CSMD1: variants seen among roughly 807,000 people sequenced by gnomAD.
The protein encoded by CSMD1 is CUB and sushi domain-containing protein 1.
CSMD1 carries 213 observed loss-of-function variants against 417.5 expected under a neutral mutation model. The ratio of observed to expected loss-of-function variants is 0.51; its 90% confidence interval spans 0.46 to 0.57. The LOEUF (loss-of-function observed/expected upper bound fraction) is 0.57, where lower values mean the gene tolerates loss of function less well. CSMD1 is among the 20% of genes least tolerant of loss of function. The pLI is 0.00. For synonymous variants in CSMD1, 2,862 were observed against 1,736.8 expected (o/e 1.65, Z -16.11); for missense variants, 6,923 against 4,529.7 (o/e 1.53, Z -15.17).
At chr8:3,026,512 G>T (rs975369913) in intron 51 of CSMD1, among the ~76,000 whole-genome samples, 4 of 150,436 alleles carry the variant, frequency 2.7e-5, no homozygotes, top group Non-Finnish European at 6.0e-5. Context: ...GGACCTCACT[G>T]GACCTCACTC....
chr8:4,016,392 G>C (rs1193372656), intron 4 of CSMD1, among the ~76,000 whole-genome samples: 3 of 152,114 alleles, frequency 2.0e-5, no homozygotes, highest in East Asian at 1.9e-4. Context: ...AGATGATCGA[G>C]CCAGTGGCAG....
chr8:4,398,685 A>G (rs1242096144), intron 3 of CSMD1, among the ~76,000 whole-genome samples: 2 of 152,064 alleles, frequency 1.3e-5, no homozygotes, highest in Admixed American at 6.6e-5. Context: ...ATGAGCCATC[A>G]CACCCGGCCA....
intron 68 of CSMD1, among the ~76,000 whole-genome samples, chr8:2,947,449 TGAC>T (rs1016820662): frequency 9.2e-5 from 14 of 152,350 alleles, no homozygotes; most frequent in African/African-American, 2.9e-4. Flanking sequence ...GACTTACTTA[TGAC>T]TCAAATTATT....
chr8:4,393,210 A>C (rs1803972455), intron 3 of CSMD1, among the ~76,000 whole-genome samples: 1 of 152,116 alleles, frequency 6.6e-6, no homozygotes, highest in South Asian at 2.1e-4. Flanking sequence ...TCCTCAGCTA[A>C]ATTGATCTAC....
At chr8:3,665,290 G>C (rs963043448) in intron 7 of CSMD1, among the ~76,000 whole-genome samples, 1 of 152,136 alleles carries the variant, frequency 6.6e-6, no homozygotes, top group East Asian at 1.9e-4. Flanking sequence ...AGCACTTTAG[G>C]AGGCTGAGGT....
At chr8:3,088,667 T>C (rs1003561490) in intron 48 of CSMD1, among the ~76,000 whole-genome samples, 3 of 151,710 alleles carry the variant, frequency 2.0e-5, no homozygotes, top group African/African-American at 7.3e-5. Context: ...TAACTGAAAA[T>C]CCACTACCAT....
intron 57 of CSMD1, 98 bp downstream of exon 57, chr8:2,973,019 C>G (rs1323231403): frequency 8.4e-7 from 1 of 1,196,088 alleles, no homozygotes; most frequent in African/African-American, 1.5e-5. Context: ...ATAAATAGTA[C>G]AAACCTCTAG....
intron 3 of CSMD1, among the ~76,000 whole-genome samples, chr8:4,254,150 C>G (rs961075599): frequency 2.6e-5 from 4 of 152,002 alleles, no homozygotes; most frequent in African/African-American, 9.7e-5. Context: ...ATCTCCTGAC[C>G]TGGTGATCCA....
intron 3 of CSMD1, among the ~76,000 whole-genome samples, chr8:4,036,989 G>GTT (rs1216302249): frequency 1.3e-5 from 2 of 151,104 alleles, no homozygotes; most frequent in Non-Finnish European, 3.0e-5. Context: ...GTGTGTGTGT[G>GTT]TGTGTGTGAT....
rs1182217029 is a variant in CSMD1 at position 3,444,394 on chromosome 8, A to G, written c.1561+24318T>C. On this transcript the variant is annotated intron_variant, in intron 12 of 69. Coordinates refer to ENST00000635120, the MANE Select transcript of CSMD1 (RefSeq NM_033225.6). The stretch of plus-strand genomic sequence containing the variant: ...TAATACATTCCATAGATTGAAAATC[A>G]TCAGACTGTTTTAAATTCATGAGTT... Among the ~76,000 whole-genome samples, 5 of 152,380 alleles carry G rather than the reference A, an allele frequency of 3.3e-5. No individual in the cohort carries two copies. The South Asian group carries it at 1.0e-3, about 32-fold the overall frequency.
chr8:3,358,136 T>C (rs1808918664), intron 21 of CSMD1, among the ~76,000 whole-genome samples: 1 of 152,324 alleles, frequency 6.6e-6, no homozygotes, highest in African/African-American at 2.4e-5. Context: ...TTGTGTTTTA[T>C]ATGGACTGTT....
chr8:2,953,945 T>C (rs1384539900), intron 65 of CSMD1, among the ~76,000 whole-genome samples: 2 of 152,268 alleles, frequency 1.3e-5, no homozygotes, highest in Non-Finnish European at 2.9e-5. Flanking sequence ...AATGTTTTCA[T>C]TTCTGCCTAC....
intron 5 of CSMD1, among the ~76,000 whole-genome samples, chr8:3,856,367 G>A (rs1042593481): frequency 6.6e-6 from 1 of 152,146 alleles, no homozygotes; most frequent in South Asian, 2.1e-4. Flanking sequence ...GCAGAACCGT[G>A]AGCCAATTAA....
At chr8:3,553,438 G>A (rs1799005202) in intron 10 of CSMD1, among the ~76,000 whole-genome samples, 1 of 152,176 alleles carries the variant, frequency 6.6e-6, no homozygotes, top group Non-Finnish European at 1.5e-5. Flanking sequence ...TGTCTATTCA[G>A]TTCCTCAGTT....
chr8:3,855,183 A>G (rs758482563), intron 5 of CSMD1, among the ~76,000 whole-genome samples: 4 of 151,110 alleles, frequency 2.6e-5, no homozygotes, highest in Non-Finnish European at 5.9e-5. Flanking sequence ...TCAATATAAC[A>G]AAGATGTATT....
At chr8:3,719,592 G>T (rs1382001030) in intron 6 of CSMD1, among the ~76,000 whole-genome samples, 1 of 152,154 alleles carries the variant, frequency 6.6e-6, no homozygotes, top group Non-Finnish European at 1.5e-5. Flanking sequence ...TTGCAAGAGT[G>T]CTGTGATGAA....
At chr8:3,742,921 C>T (rs1170626535) in intron 6 of CSMD1, among the ~76,000 whole-genome samples, 2 of 152,182 alleles carry the variant, frequency 1.3e-5, no homozygotes, top group Non-Finnish European at 2.9e-5. Flanking sequence ...ATGCGCTGAG[C>T]AGCCTCATGT....
chr8:3,040,457 AATCT>A lies in CSMD1; in HGVS notation c.7661-10948_7661-10945del, dbSNP rs147618880. 5.2e-3 allele frequency among the ~76,000 whole-genome samples: 762 copies of A among 147,948 alleles called. 6 individuals carry two copies. The highest frequency in any genetic ancestry group is 0.017 in the African/African-American group (683 of 40,590). On this transcript the variant is annotated intron_variant, in intron 50 of 69. Coordinates refer to ENST00000635120, the MANE Select transcript of CSMD1 (RefSeq NM_033225.6). ...TATATACAAAATGATTACAAATTGA[AATCT>A]ATCTATCTATATATATAAACATATA...
intron 12 of CSMD1, among the ~76,000 whole-genome samples, chr8:3,442,146 T>C (rs572268104): frequency 1.3e-5 from 2 of 152,082 alleles, no homozygotes; most frequent in South Asian, 4.1e-4. Flanking sequence ...TGTGCAACTG[T>C]ACAATGTGTT....
Sources: gnomAD v4.1 joint callset for allele counts (sites outside exome capture counted in the v4.1 genomes callset) on GRCh38, gnomAD v4.1.1 for gene constraint, MANE v1.5 for transcripts, NCBI Gene and HGNC (gene_info 2026-07-23, HGNC 2026-07-21) for gene names.